Variants in TENM3 observed in about 807,000 individuals in gnomAD.
TENM3 encodes the protein teneurin-3.
In TENM3, 63 loss-of-function variants were observed where a neutral mutation model predicts 255.1. That is an observed-to-expected ratio of 0.25 (90% confidence interval 0.20 to 0.30). The LOEUF (loss-of-function observed/expected upper bound fraction) is 0.30. Ranked by LOEUF, TENM3 falls within the 10% of genes least tolerant of loss-of-function variation. The pLI is 1.00. For synonymous variants in TENM3, 1,306 were observed against 1,322.3 expected (o/e 0.99, Z 0.27); for missense variants, 2,929 against 3,461.1 (o/e 0.85, Z 3.86).
chr4:182,417,492 C>T (rs905631166), intron 3 of TENM3, among the ~76,000 whole-genome samples: 2 of 151,956 alleles, frequency 1.3e-5, no homozygotes, highest in Non-Finnish European at 2.9e-5. Flanking sequence ...TTATTTTTTA[C>T]TTGCATTCTT....
the TENM3 span, among the ~76,000 whole-genome samples, chr4:181,556,568 C>A: frequency 6.6e-6 from 1 of 151,944 alleles, no homozygotes; most frequent in African/African-American, 2.4e-5. Flanking sequence ...GACATTTTTT[C>A]TATTACAACT....
chr4:181,623,332 A>G, the TENM3 span, among the ~76,000 whole-genome samples: 2 of 152,242 alleles, frequency 1.3e-5, no homozygotes, highest in Non-Finnish European at 2.9e-5. Context: ...TACCAGCATA[A>G]GCAGTGTGCT....
intron 1 of TENM3, among the ~76,000 whole-genome samples, chr4:182,227,641 T>C (rs1733678674): frequency 6.6e-6 from 1 of 151,608 alleles, no homozygotes; most frequent in Non-Finnish European, 1.5e-5. Flanking sequence ...GCAGGGCTTT[T>C]TTTTTTTTTT....
intron 3 of TENM3, among the ~76,000 whole-genome samples, chr4:182,353,454 G>A (rs1023453888): frequency 6.6e-6 from 1 of 151,954 alleles, no homozygotes; most frequent in Non-Finnish European, 1.5e-5. Context: ...GTAATATGTC[G>A]GTGGGCTTCC....
chr4:182,417,449 G>A (rs1160463094), intron 3 of TENM3, among the ~76,000 whole-genome samples: 1 of 152,094 alleles, frequency 6.6e-6, no homozygotes, highest in Non-Finnish European at 1.5e-5. Flanking sequence ...TTACTATTGT[G>A]AATGGTATAT....
chr4:181,590,530 C>G, the TENM3 span, among the ~76,000 whole-genome samples: 1 of 152,154 alleles, frequency 6.6e-6, no homozygotes. Flanking sequence ...GGGCACCATC[C>G]TTTAGCATAC....
intron 3 of TENM3, among the ~76,000 whole-genome samples, chr4:182,434,621 C>T (rs532378010): frequency 6.6e-6 from 1 of 151,458 alleles, no homozygotes; most frequent in East Asian, 1.9e-4. Context: ...CAAGATCGCA[C>T]CACTGCACTC....
At chr4:182,159,204 G>A (rs1750922195) in intron 1 of TENM3, among the ~76,000 whole-genome samples, 1 of 152,186 alleles carries the variant, frequency 6.6e-6, no homozygotes, top group African/African-American at 2.4e-5. Flanking sequence ...AGTTGTCGGA[G>A]TCATTGTCAT....
chr4:182,564,048 A>G (rs1359725318), intron 3 of TENM3, among the ~76,000 whole-genome samples: 2 of 152,120 alleles, frequency 1.3e-5, no homozygotes, highest in Admixed American at 6.5e-5. Context: ...GGATCACGTC[A>G]TCATAAAGAC....
At chr4:182,190,833 T>C (rs937260834) in intron 1 of TENM3, among the ~76,000 whole-genome samples, 3 of 152,196 alleles carry the variant, frequency 2.0e-5, no homozygotes, top group Non-Finnish European at 2.9e-5. Context: ...TGAAAGTTCA[T>C]GTTATATTGA....
chr4:181,964,863 C>T, the TENM3 span, among the ~76,000 whole-genome samples: 88,197 of 151,906 alleles, frequency 0.58, 26,224 homozygotes, highest in African/African-American at 0.68. Context: ...CACTGATCCA[C>T]TGAGTTCCAG....
the TENM3 span, among the ~76,000 whole-genome samples, chr4:181,644,854 A>G: frequency 6.6e-6 from 1 of 151,180 alleles, no homozygotes; most frequent in Non-Finnish European, 1.5e-5. Context: ...AGAAAGATAA[A>G]TTTCTACTTA....
chr4:181,597,522 C>T, the TENM3 span, among the ~76,000 whole-genome samples: 1 of 151,900 alleles, frequency 6.6e-6, no homozygotes, highest in African/African-American at 2.4e-5. Flanking sequence ...TTTTTTCAAG[C>T]ATTAACATAT....
the TENM3 span, among the ~76,000 whole-genome samples, chr4:181,852,957 T>G: frequency 6.6e-6 from 1 of 152,124 alleles, no homozygotes; most frequent in Non-Finnish European, 1.5e-5. Flanking sequence ...TTTACCACAA[T>G]AAGAATAAAT....
chr4:182,677,246 A>G (rs2152561111), intron 7 of TENM3, among the ~76,000 whole-genome samples: 1 of 152,264 alleles, frequency 6.6e-6, no homozygotes, highest in Non-Finnish European at 1.5e-5. Context: ...GTAGATACTC[A>G]AAACCTGTCA....
chr4:181,678,967 C>T, the TENM3 span, among the ~76,000 whole-genome samples: 1 of 152,008 alleles, frequency 6.6e-6, no homozygotes, highest in South Asian at 2.1e-4. Flanking sequence ...AAACTTATTC[C>T]AACACGTCTG....
Position 182,298,984 on chromosome 4 carries a change from CAAAAAAAAAAAAA to C in TENM3, c.-75-24942_-75-24930del, listed in dbSNP as rs11283401. On this transcript the variant is annotated intron_variant, in intron 1 of 27. Coordinates refer to ENST00000511685, the MANE Select transcript of TENM3 (RefSeq NM_001080477.4). ...TGGGCAACAGAGCAAGACTCCTTCT[CAAAAAAAAAAAAA>C]AAAAAAAAAAAAAAAAAAAGAGGTA... Among the ~76,000 whole-genome samples, 28 of 25,562 alleles carry C rather than the reference CAAAAAAAAAAAAA, an allele frequency of 1.1e-3. No homozygotes were observed. The South Asian group carries it at 0.02, about 18-fold the overall frequency. The allele number at this position is 25,562 out of a possible 152,430, so 16.8% of individuals were successfully genotyped here.
At chr4:181,458,826 A>C in the TENM3 span, among the ~76,000 whole-genome samples, 1 of 151,970 alleles carries the variant, frequency 6.6e-6, no homozygotes, top group Non-Finnish European at 1.5e-5. Context: ...GTTGTAATCA[A>C]TTCCCTTGTT....
chr4:182,774,541 G>A lies in TENM3; in HGVS notation c.5069-377G>A, dbSNP rs115873676. Reference sequence around the variant, plus strand: ...GATGCAGGGATTGGGTGCAGGGGAGGGAAGTCTTCCAAGACCTTGGAGGTG... The same window carrying A: ...GATGCAGGGATTGGGTGCAGGGGAGAGAAGTCTTCCAAGACCTTGGAGGTG... On this transcript the variant is annotated intron_variant, in intron 23 of 27. Coordinates refer to ENST00000511685, the MANE Select transcript of TENM3 (RefSeq NM_001080477.4). Among the ~76,000 whole-genome samples the A allele has an allele frequency of 4.7e-3, 717 of 152,284 alleles. 3 individuals carry two copies. The highest frequency in any genetic ancestry group is 0.016 in the African/African-American group (668 of 41,558).
Sources: gnomAD v4.1 joint callset for allele counts (sites outside exome capture counted in the v4.1 genomes callset) on GRCh38, gnomAD v4.1.1 for gene constraint, MANE v1.5 for transcripts, NCBI Gene and HGNC (gene_info 2026-07-23, HGNC 2026-07-21) for gene names.